Variants in NCAM1 observed in about 807,000 individuals in gnomAD.
NCAM1 encodes neural cell adhesion molecule 1, also known as antigen recognized by monoclonal antibody 5.1H11.
NCAM1 carries 14 observed loss-of-function variants against 109.8 expected under a neutral mutation model. The observed-to-expected ratio is 0.13, with a 90% confidence interval of 0.08 to 0.20. NCAM1 has a LOEUF of 0.20. NCAM1 is among the 10% of genes least tolerant of loss of function. The pLI is 1.00. For missense variants in NCAM1, 774 were observed against 1,109.9 expected (o/e 0.70, Z 4.30); for synonymous variants, 418 against 442.9 (o/e 0.94, Z 0.70).
chr11:113,247,531 C>T (rs547095514), intron 15 of NCAM1, among the ~76,000 whole-genome samples: 226 of 152,304 alleles, frequency 1.5e-3, no homozygotes, highest in Non-Finnish European at 2.5e-3. Flanking sequence ...CCTTCCCTCT[C>T]GTTCACCCTC....
At chr11:113,142,521 G>A (rs1266608327) in intron 1 of NCAM1, among the ~76,000 whole-genome samples, 1 of 152,178 alleles carries the variant, frequency 6.6e-6, no homozygotes, top group East Asian at 1.9e-4. Context: ...ACAGGTACCA[G>A]TGTGTTTTTG....
rs187112729 is a variant in NCAM1, at chr11:113,192,655, G to A, written c.53-9724G>A. 1.5e-3 allele frequency among the ~76,000 whole-genome samples: 236 copies of A among 152,280 alleles called. 1 individual carries two copies. The highest frequency in any genetic ancestry group is 0.014 in the South Asian group (68 of 4,818). ...CAGAGCAGGCAAAGAGGAAACAGTTGAAGAAATAACTACTGAGGACACAAA... is the reference window on the plus strand; with the variant it reads ...CAGAGCAGGCAAAGAGGAAACAGTTAAAGAAATAACTACTGAGGACACAAA... On this transcript the variant is annotated intron_variant, in intron 1 of 19. Transcript: ENST00000316851.
chr11:113,091,551 A>G (rs971154103), intron 1 of NCAM1, among the ~76,000 whole-genome samples: 3 of 152,240 alleles, frequency 2.0e-5, no homozygotes, highest in Non-Finnish European at 4.4e-5. Flanking sequence ...GTTAGAGGCC[A>G]GAGCTGTATA....
At chr11:112,968,350 G>A (rs1232155611) in intron 1 of NCAM1, among the ~76,000 whole-genome samples, 9 of 152,334 alleles carry the variant, frequency 5.9e-5, no homozygotes, top group African/African-American at 2.2e-4. Flanking sequence ...GTAAGTGCCC[G>A]ATTGGCAGGG....
chr11:113,074,415 A>G (rs1217054753), intron 1 of NCAM1, among the ~76,000 whole-genome samples: 1 of 152,182 alleles, frequency 6.6e-6, no homozygotes, highest in African/African-American at 2.4e-5. Flanking sequence ...CTTTGAAGCA[A>G]CTTGAGTTCT....
intron 1 of NCAM1, among the ~76,000 whole-genome samples, chr11:113,054,208 G>A (rs1953611349): frequency 6.6e-6 from 1 of 152,212 alleles, no homozygotes; most frequent in Admixed American, 6.5e-5. Flanking sequence ...CGTTTTTGGT[G>A]AGAGACTGAG....
At chr11:113,119,641 A>G (rs1196002752) in intron 1 of NCAM1, among the ~76,000 whole-genome samples, 2 of 152,156 alleles carry the variant, frequency 1.3e-5, no homozygotes, top group Non-Finnish European at 1.5e-5. Context: ...TAAAACCAAA[A>G]TAAATTATTC....
chr11:113,270,083 ACT>A, intron 17 of NCAM1, 103 bp from the exon 18 acceptor site: 1 of 1,070,220 alleles, frequency 9.3e-7, no homozygotes, highest in Non-Finnish European at 1.4e-6. Context: ...GAATGCCATG[ACT>A]CTGTCCTCTG....
intron 1 of NCAM1, among the ~76,000 whole-genome samples, chr11:113,181,526 G>A (rs1430583541): frequency 6.6e-6 from 1 of 152,284 alleles, no homozygotes; most frequent in African/African-American, 2.4e-5. Flanking sequence ...CGGAGTGGAG[G>A]ACTGGGGGAC....
intron 1 of NCAM1, among the ~76,000 whole-genome samples, chr11:113,011,562 A>G (rs1555074406): frequency 2.0e-5 from 3 of 152,128 alleles, no homozygotes; most frequent in Non-Finnish European, 2.9e-5. Flanking sequence ...TGGTTGAACT[A>G]GTTTACAGTC....
At chr11:113,248,341 G>A (rs1359173503) in intron 15 of NCAM1, among the ~76,000 whole-genome samples, 1 of 152,104 alleles carries the variant, frequency 6.6e-6, no homozygotes, top group Non-Finnish European at 1.5e-5. Flanking sequence ...ATCTGCAAGG[G>A]GGCAAGCTGA....
At chr11:113,153,543 G>A (rs1353856608) in intron 1 of NCAM1, among the ~76,000 whole-genome samples, 1 of 152,132 alleles carries the variant, frequency 6.6e-6, no homozygotes, top group Non-Finnish European at 1.5e-5. Flanking sequence ...GCTTGGCTGT[G>A]TGGATAGATG....
chr11:113,175,995 T>C (rs1555106955), intron 1 of NCAM1, among the ~76,000 whole-genome samples: 2 of 152,198 alleles, frequency 1.3e-5, no homozygotes, highest in African/African-American at 4.8e-5. Context: ...CCAAAATATG[T>C]ATACATATTA....
At chr11:113,259,287 G>A (rs1046322870) in intron 16 of NCAM1, among the ~76,000 whole-genome samples, 3 of 151,864 alleles carry the variant, frequency 2.0e-5, no homozygotes, top group South Asian at 2.1e-4. Flanking sequence ...TCCTGACCTC[G>A]TGATCCGCCC....
chr11:113,146,102 A>T (rs1942008090), intron 1 of NCAM1, among the ~76,000 whole-genome samples: 1 of 152,256 alleles, frequency 6.6e-6, no homozygotes, highest in African/African-American at 2.4e-5. Context: ...CAATGCCTCT[A>T]TCAAGAGTAC....
At chr11:113,131,713 C>G (rs140019423) in intron 1 of NCAM1, among the ~76,000 whole-genome samples, 10 of 152,170 alleles carry the variant, frequency 6.6e-5, no homozygotes. Flanking sequence ...TGTCTTCCCC[C>G]AGACGTCCCC....
chr11:113,125,604 A>G (rs1221930394), intron 1 of NCAM1, among the ~76,000 whole-genome samples: 4 of 152,240 alleles, frequency 2.6e-5, no homozygotes, highest in Non-Finnish European at 4.4e-5. Context: ...ACATTAGTCT[A>G]GAAACCACTG....
At chr11:113,168,158 A>G (rs1004442032) in intron 1 of NCAM1, among the ~76,000 whole-genome samples, 1 of 152,192 alleles carries the variant, frequency 6.6e-6, no homozygotes, top group Non-Finnish European at 1.5e-5. Context: ...CATTTGAAGG[A>G]TGTTCCTTGA....
At chr11:113,148,712 A>G (rs1942112615) in intron 1 of NCAM1, among the ~76,000 whole-genome samples, 1 of 152,218 alleles carries the variant, frequency 6.6e-6, no homozygotes, top group Non-Finnish European at 1.5e-5. Flanking sequence ...AGGTACTTTC[A>G]AACCTGCTCA....
Sources: allele counts gnomAD v4.1 joint callset (sites outside exome capture counted in the v4.1 genomes callset), GRCh38; gene constraint gnomAD v4.1.1; transcripts MANE v1.5; gene names NCBI Gene and HGNC (gene_info 2026-07-23, HGNC 2026-07-21).